SUCLG2: variants seen among roughly 807,000 people sequenced by gnomAD.
SUCLG2 encodes the protein succinate-CoA ligase GDP-forming subunit beta, also known as succinate--CoA ligase [GDP-forming] subunit beta, mitochondrial.
In SUCLG2, 42 loss-of-function variants were observed where a neutral mutation model predicts 47.9. The observed-to-expected ratio is 0.88, with a 90% CI of 0.69 to 1.14. The LOEUF (loss-of-function observed/expected upper bound fraction) is 1.14, where lower values mean the gene tolerates loss of function less well. Ranked by LOEUF, SUCLG2 falls within the 50% of genes most tolerant of loss-of-function variation. SUCLG2 has a pLI of 0.00. For missense variants in SUCLG2, 571 were observed against 525.9 expected (o/e 1.09, Z -0.84); for synonymous variants, 195 against 197.3 (o/e 0.99, Z 0.10).
chr3:67,398,812 T>A (rs113545646), intron 10 of SUCLG2, among the ~76,000 whole-genome samples: 4 of 152,004 alleles, frequency 2.6e-5, no homozygotes, highest in Admixed American at 6.6e-5. Flanking sequence ...AAAATGTGGC[T>A]CATATACACC....
intron 2 of SUCLG2, among the ~76,000 whole-genome samples, chr3:67,570,780 A>G (rs1386842013): frequency 3.3e-5 from 5 of 152,202 alleles, no homozygotes; most frequent in African/African-American, 1.2e-4. Flanking sequence ...CCTGGTGTAC[A>G]GAATCCTCCT....
At chr3:67,391,930 T>C (rs887841029) in intron 10 of SUCLG2, among the ~76,000 whole-genome samples, 1 of 152,182 alleles carries the variant, frequency 6.6e-6, no homozygotes, top group African/African-American at 2.4e-5. Context: ...GATGGACCTG[T>C]TTCCCACCTC....
intron 1 of SUCLG2, among the ~76,000 whole-genome samples, chr3:67,627,197 T>TA (rs55662165): frequency 0.03 from 4,362 of 147,584 alleles, 192 homozygotes; most frequent in African/African-American, 0.1. Flanking sequence ...GCTTGACCAT[T>TA]AAAAAAAAAA....
intron 9 of SUCLG2, among the ~76,000 whole-genome samples, chr3:67,458,603 C>T (rs921150784): frequency 2.6e-5 from 4 of 152,078 alleles, no homozygotes; most frequent in Admixed American, 6.6e-5. Context: ...AATGAGTAGC[C>T]GGTGCTTATT....
chr3:67,553,672 T>A (rs1024683228), intron 2 of SUCLG2, among the ~76,000 whole-genome samples: 7 of 152,198 alleles, frequency 4.6e-5, no homozygotes, highest in African/African-American at 1.7e-4. Context: ...CTACTAAGTA[T>A]TAAATTGCAC....
At chr3:67,572,835 A>G (rs1707650045) in intron 2 of SUCLG2, among the ~76,000 whole-genome samples, 1 of 152,052 alleles carries the variant, frequency 6.6e-6, no homozygotes, top group Non-Finnish European at 1.5e-5. Context: ...CAAGGAAGGA[A>G]AAAAAAAGGC....
intron 9 of SUCLG2, among the ~76,000 whole-genome samples, chr3:67,464,958 C>T (rs1361489476): frequency 2.6e-5 from 4 of 152,070 alleles, no homozygotes; most frequent in Admixed American, 1.3e-4. Context: ...CAGGACGAAT[C>T]GGAAGAGGGG....
At chr3:67,421,408 C>T (rs1321320428) in intron 9 of SUCLG2, among the ~76,000 whole-genome samples, 4 of 152,186 alleles carry the variant, frequency 2.6e-5, no homozygotes, top group Non-Finnish European at 5.9e-5. Context: ...GGATGCATAA[C>T]ATTTCACTAG....
At chr3:67,467,273 A>T (rs759101174) in intron 9 of SUCLG2, among the ~76,000 whole-genome samples, 2 of 152,222 alleles carry the variant, frequency 1.3e-5, no homozygotes, top group Non-Finnish European at 2.9e-5. Flanking sequence ...TCATACATCA[A>T]AACAGCAGCT....
At chr3:67,626,393 G>C (rs1700830153) in intron 1 of SUCLG2, among the ~76,000 whole-genome samples, 5 of 151,952 alleles carry the variant, frequency 3.3e-5, no homozygotes, top group Admixed American at 3.3e-4. Context: ...GGGTATGCTG[G>C]ACAAAAACAG....
At chr3:67,478,152 C>G (rs1419074635) in intron 9 of SUCLG2, among the ~76,000 whole-genome samples, 1 of 152,190 alleles carries the variant, frequency 6.6e-6, no homozygotes, top group South Asian at 2.1e-4. Flanking sequence ...TCAACAATGC[C>G]TGGCCGGTGG....
chr3:67,524,790 G>A (rs1706210743), intron 4 of SUCLG2, among the ~76,000 whole-genome samples: 1 of 152,070 alleles, frequency 6.6e-6, no homozygotes, highest in Non-Finnish European at 1.5e-5. Context: ...TAGCTAGGGA[G>A]CTTGAGGTCC....
At chr3:67,555,651 G>GA (rs1707141696) in intron 2 of SUCLG2, among the ~76,000 whole-genome samples, 1 of 152,204 alleles carries the variant, frequency 6.6e-6, no homozygotes, top group Non-Finnish European at 1.5e-5. Context: ...GCTTAGAAAT[G>GA]AAAGACAATC....
At chr3:67,402,591 T>C (rs941835731) in intron 9 of SUCLG2, among the ~76,000 whole-genome samples, 3 of 152,166 alleles carry the variant, frequency 2.0e-5, no homozygotes, top group African/African-American at 7.2e-5. Flanking sequence ...CAAATAACTG[T>C]AGGATGGAGA....
intron 2 of SUCLG2, among the ~76,000 whole-genome samples, chr3:67,564,077 G>A (rs1282883536): frequency 4.6e-5 from 7 of 152,022 alleles, no homozygotes; most frequent in African/African-American, 1.7e-4. Context: ...GATAAAAAGA[G>A]AAAAACATTA....
At chr3:67,585,152 T>C (rs556282866) in intron 2 of SUCLG2, among the ~76,000 whole-genome samples, 1 of 152,322 alleles carries the variant, frequency 6.6e-6, no homozygotes, top group Non-Finnish European at 1.5e-5. Flanking sequence ...TCTAGTTGCA[T>C]ACAGAGCCCT....
At chr3:67,381,047 G>T (rs1381294143) in intron 10 of SUCLG2, among the ~76,000 whole-genome samples, 1 of 152,044 alleles carries the variant, frequency 6.6e-6, no homozygotes, top group African/African-American at 2.4e-5. Flanking sequence ...GCTGGGCATG[G>T]TGGCCTGTAG....
At chr3:67,515,315 TG>T (rs1051920473) in intron 6 of SUCLG2, among the ~76,000 whole-genome samples, 3 of 152,326 alleles carry the variant, frequency 2.0e-5, no homozygotes, top group African/African-American at 4.8e-5. Context: ...AGGCATCCAC[TG>T]GAAGTCTTGG....
At chr3:67,416,525 A>C (rs138179594) in intron 9 of SUCLG2, among the ~76,000 whole-genome samples, 1 of 152,302 alleles carries the variant, frequency 6.6e-6, no homozygotes, top group African/African-American at 2.4e-5. Flanking sequence ...ATGTACAGGG[A>C]ATATGAGACA....
Sources: allele counts gnomAD v4.1 joint callset (sites outside exome capture counted in the v4.1 genomes callset), GRCh38; gene constraint gnomAD v4.1.1; transcripts MANE v1.5; gene names NCBI Gene and HGNC (gene_info 2026-07-23, HGNC 2026-07-21).